Variants in NT5DC1 observed in about 807,000 individuals in gnomAD.
NT5DC1 encodes 5'-nucleotidase domain containing 1, also known as 5'-nucleotidase domain-containing protein 1.
NT5DC1 carries 42 observed loss-of-function variants against 59.4 expected under a neutral mutation model. The observed-to-expected ratio is 0.71, with a 90% CI of 0.55 to 0.92. The LOEUF is 0.92. Ranked by LOEUF, NT5DC1 falls within the 40% of genes least tolerant of loss-of-function variation. NT5DC1 has a pLI of 0.00. For missense variants in NT5DC1, 501 were observed against 537.1 expected, an observed-to-expected ratio of 0.93 and a Z score of 0.66; for synonymous variants, 172 against 188.1, an observed-to-expected ratio of 0.91 and a Z score of 0.70.
At chr6:116,152,419 T>C (rs1246645143) in intron 6 of NT5DC1, among the ~76,000 whole-genome samples, 1 of 152,048 alleles carries the variant, frequency 6.6e-6, no homozygotes, top group African/African-American at 2.4e-5. Flanking sequence ...AAAAAAAAAT[T>C]AGAAAACAAC....
intron 6 of NT5DC1, among the ~76,000 whole-genome samples, chr6:116,173,609 T>C (rs1246095428): frequency 6.6e-6 from 1 of 152,128 alleles, no homozygotes; most frequent in Non-Finnish European, 1.5e-5. Flanking sequence ...GTGGTAAAAA[T>C]CAGACCCAGC....
intron 6 of NT5DC1, among the ~76,000 whole-genome samples, chr6:116,130,743 A>G (rs751839115): frequency 6.6e-6 from 1 of 152,102 alleles, no homozygotes; most frequent in East Asian, 1.9e-4. Flanking sequence ...AATGACCTCA[A>G]TCTTGTATCT....
chr6:116,236,205 C>T (rs542484105), intron 8 of NT5DC1, among the ~76,000 whole-genome samples: 1 of 152,328 alleles, frequency 6.6e-6, no homozygotes, highest in Non-Finnish European at 1.5e-5. Context: ...GCTGTATCAA[C>T]AGCTACCAAA....
intron 6 of NT5DC1, among the ~76,000 whole-genome samples, chr6:116,130,388 G>A (rs1582821843): frequency 6.6e-6 from 1 of 152,052 alleles, no homozygotes; most frequent in South Asian, 2.1e-4. Flanking sequence ...CCCATTTTTG[G>A]CCAGTGAGAG....
chr6:116,152,990 C>CT (rs1780087406), intron 6 of NT5DC1, among the ~76,000 whole-genome samples: 1 of 152,006 alleles, frequency 6.6e-6, no homozygotes, highest in Admixed American at 6.6e-5. Flanking sequence ...GGAATGATTG[C>CT]TTTATACTTT....
chr6:116,163,545 TTTTG>T (rs1244742869), intron 6 of NT5DC1, among the ~76,000 whole-genome samples: 5 of 152,124 alleles, frequency 3.3e-5, no homozygotes, highest in Admixed American at 6.5e-5. Context: ...GTCTATCAAT[TTTTG>T]TTTATCTTCT....
At chr6:116,119,375 G>A (rs1279733378) in intron 6 of NT5DC1, 3 of 152,398 alleles carry the variant, frequency 2.0e-5, no homozygotes. Flanking sequence ...TATATAAAAA[G>A]CTTCTCTGCA....
At chr6:116,241,922 C>CAAAAAAAAAAAAAAAAA (rs772261524) in intron 11 of NT5DC1, among the ~76,000 whole-genome samples, 1 of 10,540 alleles carries the variant, frequency 9.5e-5, no homozygotes. Context: ...GACTCCGTCT[C>CAAAAAAAAAAAAAAAAA]AAAAAAAAAA....
At chr6:116,110,371 T>G (rs1398753216) in intron 3 of NT5DC1, among the ~76,000 whole-genome samples, 1 of 152,234 alleles carries the variant, frequency 6.6e-6, no homozygotes, top group Non-Finnish European at 1.5e-5. Context: ...TCATCTTGTC[T>G]TCACAGTCCT....
intron 6 of NT5DC1, among the ~76,000 whole-genome samples, chr6:116,178,052 A>AGTGTGTATGTGT (rs1554198193): frequency 1.5e-5 from 2 of 136,318 alleles, no homozygotes; most frequent in African/African-American, 5.5e-5. Flanking sequence ...CAAAGAGGAA[A>AGTGTGTATGTGT]GTGTGTGTGT....
At chr6:116,211,930 A>C (rs1781588570) in intron 6 of NT5DC1, among the ~76,000 whole-genome samples, 1 of 151,984 alleles carries the variant, frequency 6.6e-6, no homozygotes, top group South Asian at 2.1e-4. Flanking sequence ...TGTTGCAAAG[A>C]GTATTGGGGT....
chr6:116,120,808 A>C, intron 6 of NT5DC1: 1 of 1,612,674 alleles, frequency 6.2e-7, no homozygotes. Flanking sequence ...CAGCCTCTCC[A>C]TTGTGTCCGG....
rs139486517 is a variant in NT5DC1, at chr6:116,195,705, TG to T, written c.530-25348del. On this transcript the variant is annotated intron_variant, in intron 6 of 11. Coordinates refer to ENST00000319550, the MANE Select transcript of NT5DC1 (RefSeq NM_152729.3). The stretch of plus-strand genomic sequence containing the variant: ...ATCTTTAGAATATGGTAGACTCTCT[TG>T]TTAGCTAAATATATTCATTAAGATT... Among the ~76,000 whole-genome samples the T allele has an allele frequency of 2.4e-4, 36 of 152,174 alleles. No individual in the cohort carries two copies. The East Asian group carries it at 6.4e-3, about 27-fold the overall frequency.
intron 6 of NT5DC1, among the ~76,000 whole-genome samples, chr6:116,183,646 A>C (rs527496940): frequency 6.8e-6 from 1 of 146,602 alleles, no homozygotes; most frequent in Non-Finnish European, 1.5e-5. Context: ...TTATTTTATT[A>C]TTTTTTTTTT....
chr6:116,148,752 T>C (rs1779959113), intron 6 of NT5DC1, among the ~76,000 whole-genome samples: 1 of 152,196 alleles, frequency 6.6e-6, no homozygotes, highest in Non-Finnish European at 1.5e-5. Flanking sequence ...AAATACTGTT[T>C]ATTATTCAGA....
chr6:116,111,006 A>G, intron 4 of NT5DC1, 50 bp downstream of exon 4: 3 of 1,259,360 alleles, frequency 2.4e-6, no homozygotes, highest in South Asian at 1.2e-5. Flanking sequence ...TTTGTTTTGT[A>G]CCCTAAACCT....
At chr6:116,171,695 G>A (rs138702044) in intron 6 of NT5DC1, among the ~76,000 whole-genome samples, 47 of 152,200 alleles carry the variant, frequency 3.1e-4, no homozygotes, top group African/African-American at 1.1e-3. Context: ...TTCTACTTTT[G>A]AATTTAAAGA....
intron 6 of NT5DC1, among the ~76,000 whole-genome samples, chr6:116,164,878 T>C (rs1780425873): frequency 6.6e-6 from 1 of 152,020 alleles, no homozygotes; most frequent in African/African-American, 2.4e-5. Flanking sequence ...GGTCAGGAGA[T>C]CGAGACCATC....
At chr6:116,241,949 AAAAAAAAAAAC>A (rs1771738737) in intron 11 of NT5DC1, among the ~76,000 whole-genome samples, 1 of 131,846 alleles carries the variant, frequency 7.6e-6, no homozygotes, top group Non-Finnish European at 1.6e-5. Context: ...CAAAACAAAA[AAAAAAAAAAAC>A]AAAGAATCAG....
Sources: allele counts gnomAD v4.1 joint callset (sites outside exome capture counted in the v4.1 genomes callset), GRCh38; gene constraint gnomAD v4.1.1; transcripts MANE v1.5; gene names NCBI Gene and HGNC (gene_info 2026-07-23, HGNC 2026-07-21).